Variants in ACOT13 observed in about 807,000 individuals in gnomAD.
The protein encoded by ACOT13 is acyl-coenzyme A thioesterase 13.
Under a neutral mutation model 11.8 loss-of-function variants are expected in ACOT13, and 10 were observed. The ratio of observed to expected loss-of-function variants is 0.85; its 90% CI spans 0.53 to 1.44. The LOEUF is 1.44. ACOT13 is among the 40% of genes most tolerant of loss of function. The probability of loss-of-function intolerance (pLI) is 0.00; values close to 1 mark genes in which losing one functional copy is unlikely to be tolerated. For missense variants in ACOT13, 172 were observed against 174.1 expected, an observed-to-expected ratio of 0.99 and a Z score of 0.07; for synonymous variants, 53 against 61.0, an observed-to-expected ratio of 0.87 and a Z score of 0.61.
In ACOT13 at chr6:24,701,583, C is replaced by T. The variant is rs569747798; in HGVS notation, c.391C>T (p.Gln131Ter). ...CAAGGCCACAGGAAAATTAATAGCA[C>T]AAGGAAGACACACAAAACACCTGGG... ...TNKATGKLIA[Q>*]GRHTKHLGN Residue 131 changes from glutamine (Q) to a stop codon, truncating the protein, a stop_gained, in exon 3 of 3, where the codon CAA becomes TAA. Transcript: ENST00000230048. LOFTEE classifies it high-confidence loss of function. The T allele has an allele frequency of 2.5e-6, 4 of 1,612,990 alleles. No individual in the cohort carries two copies. The South Asian group carries it at 4.4e-5, about 18-fold the overall frequency.
chr6:24,696,577 C>T (rs1321338071), intron 1 of ACOT13, among the ~76,000 whole-genome samples: 1 of 152,162 alleles, frequency 6.6e-6, no homozygotes, highest in African/African-American at 2.4e-5. Context: ...ACCAAATACT[C>T]ATCCATATTC....
intron 1 of ACOT13, among the ~76,000 whole-genome samples, chr6:24,681,300 G>C (rs1371319013): frequency 2.0e-5 from 3 of 152,200 alleles, no homozygotes; most frequent in Non-Finnish European, 4.4e-5. Context: ...AATGCATTTG[G>C]CCCATCCGCG....
chr6:24,698,105 G>A, intron 2 of ACOT13, 38 bp downstream of exon 2: 2 of 1,494,092 alleles, frequency 1.3e-6, no homozygotes, highest in Non-Finnish European at 1.8e-6. Context: ...CCTTCTGTGT[G>A]ATAACTGTCT....
chr6:24,678,219 G>A (rs56056726), intron 1 of ACOT13, among the ~76,000 whole-genome samples: 2 of 152,084 alleles, frequency 1.3e-5, no homozygotes, highest in African/African-American at 4.8e-5. Flanking sequence ...GAGTCAGGGT[G>A]TACAGGGATG....
chr6:24,681,306 C>G (rs928109410), intron 1 of ACOT13, among the ~76,000 whole-genome samples: 1 of 152,184 alleles, frequency 6.6e-6, no homozygotes, highest in East Asian at 1.9e-4. Context: ...TTTGGCCCAT[C>G]CGCGGGTTAC....
At chr6:24,687,550 T>G in intron 1 of ACOT13, 1 of 1,410,410 alleles carries the variant, frequency 7.1e-7, no homozygotes, top group Non-Finnish European at 9.3e-7. Context: ...TTTATGGAAA[T>G]GAGTGATGAA....
chr6:24,674,248 A>G (rs894088705), intron 1 of ACOT13, among the ~76,000 whole-genome samples: 9 of 152,160 alleles, frequency 5.9e-5, no homozygotes, highest in African/African-American at 2.2e-4. Flanking sequence ...TAGTAGGGAC[A>G]GGGTTTCACC....
intron 1 of ACOT13, among the ~76,000 whole-genome samples, chr6:24,683,875 T>G (rs967353489): frequency 1.3e-4 from 20 of 150,234 alleles, no homozygotes; most frequent in African/African-American, 4.7e-4. Context: ...AGCTTGAATT[T>G]TCCTTGTAGC....
At chr6:24,683,016 TGTTTAAAGGTG>T (rs1778578486) in intron 1 of ACOT13, among the ~76,000 whole-genome samples, 1 of 152,152 alleles carries the variant, frequency 6.6e-6, no homozygotes, top group Non-Finnish European at 1.5e-5. Context: ...GCAAGCCCCG[TGTTTAAAGGTG>T]GATGCGGTCA....
At chr6:24,671,873 CAG>C (rs761261687) in intron 1 of ACOT13, among the ~76,000 whole-genome samples, 11 of 152,260 alleles carry the variant, frequency 7.2e-5, no homozygotes, top group Non-Finnish European at 1.3e-4. Flanking sequence ...TAGGTCATAT[CAG>C]AATTACAGGA....
At chr6:24,669,102 A>T (rs909693929) in intron 1 of ACOT13, among the ~76,000 whole-genome samples, 1 of 152,154 alleles carries the variant, frequency 6.6e-6, no homozygotes, top group Admixed American at 6.5e-5. Flanking sequence ...GAACCCCAAA[A>T]ATTTGAGACA....
At chr6:24,693,492 G>T (rs16889630) in intron 1 of ACOT13, among the ~76,000 whole-genome samples, 1,722 of 152,264 alleles carry the variant, frequency 0.011, 26 homozygotes, top group African/African-American at 0.029. Context: ...AAAAAGACCA[G>T]AATGATCTGA....
chr6:24,676,630 G>A (rs572815986), intron 1 of ACOT13, among the ~76,000 whole-genome samples: 1 of 152,292 alleles, frequency 6.6e-6, no homozygotes, highest in African/African-American at 2.4e-5. Context: ...GGGCTGAGAT[G>A]ATGGGGTTTT....
At chr6:24,701,393 G>A in intron 2 of ACOT13, 66 bp from the exon 3 acceptor site, 3 of 1,444,224 alleles carry the variant, frequency 2.1e-6, no homozygotes, top group Non-Finnish European at 2.8e-6. Flanking sequence ...GAACACTGTT[G>A]TGAGATGCAC....
At chr6:24,674,465 G>T (rs1778412872) in intron 1 of ACOT13, among the ~76,000 whole-genome samples, 1 of 152,172 alleles carries the variant, frequency 6.6e-6, no homozygotes, top group South Asian at 2.1e-4. Flanking sequence ...CTGGAGTGCA[G>T]TTGCGTGATT....
chr6:24,682,908 G>T (rs1198480035), intron 1 of ACOT13, among the ~76,000 whole-genome samples: 1 of 152,214 alleles, frequency 6.6e-6, no homozygotes, highest in Non-Finnish European at 1.5e-5. Flanking sequence ...CTCCCACTGT[G>T]CTCTCAGGCA....
At chr6:24,685,332 CTTTTTTTTT>C (rs563020332) in intron 1 of ACOT13, among the ~76,000 whole-genome samples, 3 of 116,784 alleles carry the variant, frequency 2.6e-5, no homozygotes, top group Non-Finnish European at 5.4e-5. Flanking sequence ...TTTTACTGTA[CTTTTTTTTT>C]TTTTTTTTTT....
chr6:24,700,425 C>CTTTTTTTTTT (rs34173572), intron 2 of ACOT13, among the ~76,000 whole-genome samples: 1 of 105,140 alleles, frequency 9.5e-6, no homozygotes, highest in Non-Finnish European at 1.8e-5. Context: ...TAAGATCCAC[C>CTTTTTTTTTT]TTTTTTTTTT....
intron 1 of ACOT13, among the ~76,000 whole-genome samples, chr6:24,679,559 A>G (rs1026566179): frequency 6.6e-6 from 1 of 152,162 alleles, no homozygotes; most frequent in Admixed American, 6.6e-5. Flanking sequence ...TAGTCCTAGC[A>G]CACAAGTTAG....
Sources: gnomAD v4.1 joint callset for allele counts (sites outside exome capture counted in the v4.1 genomes callset) on GRCh38, gnomAD v4.1.1 for gene constraint, MANE v1.5 for transcripts, NCBI Gene and HGNC (gene_info 2026-07-23, HGNC 2026-07-21) for gene names.